Variants in GSE1 observed in about 807,000 individuals in gnomAD.
GSE1 encodes Gse1 coiled-coil protein, also known as genetic suppressor element 1.
Under a neutral mutation model 112.6 loss-of-function variants are expected in GSE1, and 32 were observed. The observed-to-expected ratio is 0.28, with a 90% CI of 0.21 to 0.38. The LOEUF is 0.38. Ranked by LOEUF, GSE1 falls within the 10% of genes least tolerant of loss-of-function variation. The probability of loss-of-function intolerance (pLI) is 1.00; values close to 1 mark genes in which losing one functional copy is unlikely to be tolerated. For synonymous variants in GSE1, 1,115 were observed against 735.6 expected, an observed-to-expected ratio of 1.52 and a Z score of -8.35; for missense variants, 2,348 against 1,699.2, an observed-to-expected ratio of 1.38 and a Z score of -6.71.
rs76432373 is a variant in GSE1 at position 85,671,112 on chromosome 16, G to A, written c.3519+14G>A. The A allele has an allele frequency of 3.1e-3, 4,608 of 1,490,192 alleles. 115 individuals carry two copies. In the South Asian group the frequency reaches 0.038, roughly 12 times the overall value. 92.3% of individuals were successfully genotyped at this position (1,490,192 alleles called of 1,614,324 possible). On this transcript the variant is annotated intron_variant, in intron 15 of 15. Coordinates refer to ENST00000253458, the MANE Select transcript of GSE1 (RefSeq NM_014615.5). The stretch of plus-strand genomic sequence containing the variant: ...CACAGCGTGGCGGTGAGTTGGGAAG[G>A]GATGGAAACCTTCAAACACGCAACC...
At chr16:85,260,835 G>A (rs528629496) in intron 1 of GSE1, among the ~76,000 whole-genome samples, 9 of 152,366 alleles carry the variant, frequency 5.9e-5, no homozygotes, top group Non-Finnish European at 7.3e-5. Flanking sequence ...GCAGTGATGA[G>A]CGCATGGGGC....
intron 2 of GSE1, among the ~76,000 whole-genome samples, chr16:85,450,966 A>G (rs1462260373): frequency 6.6e-6 from 1 of 150,524 alleles, no homozygotes; most frequent in Non-Finnish European, 1.5e-5. Flanking sequence ...CCCAGCTACT[A>G]GGGAGGCCAA....
At position 85,673,116 on chromosome 16, in the gene GSE1, A is replaced by C. The variant is rs1567777970; in HGVS notation, c.*577A>C. ...GTCCTAGGAGCACACAAAGCAACCC[A>C]AAGGCTTTTCCCTGGAAAAGCTCTT... On this transcript the variant is annotated 3_prime_UTR_variant, in exon 16 of 16. Coordinates refer to ENST00000253458, the MANE Select transcript of GSE1 (RefSeq NM_014615.5). 2 of 152,344 alleles carry C rather than the reference A, an allele frequency of 1.3e-5. No individual in the cohort carries two copies. The highest frequency in any genetic ancestry group is 1.3e-4 in the Admixed American group (2 of 15,282). The allele number at this position is 152,344 out of a possible 1,614,324, so 9.4% of individuals were successfully genotyped here.
At chr16:85,328,900 G>A (rs2046281624) in intron 1 of GSE1, among the ~76,000 whole-genome samples, 1 of 152,154 alleles carries the variant, frequency 6.6e-6, no homozygotes, top group African/African-American at 2.4e-5. Flanking sequence ...TGCCACCCCT[G>A]CCCCCGCAGC....
intron 2 of GSE1, among the ~76,000 whole-genome samples, chr16:85,441,705 G>C (rs1201694695): frequency 6.6e-6 from 1 of 152,174 alleles, no homozygotes; most frequent in Non-Finnish European, 1.5e-5. Context: ...GTCTTGAGGG[G>C]TGTGTAGGAG....
chr16:85,607,404 A>G (rs1038833481), upstream of GSE1, among the ~76,000 whole-genome samples: 1 of 152,208 alleles, frequency 6.6e-6, no homozygotes, highest in Non-Finnish European at 1.5e-5. Context: ...CCCATTCACC[A>G]GGGCTCGGCG....
At chr16:85,331,571 A>G (rs1279761072) in intron 1 of GSE1, among the ~76,000 whole-genome samples, 9 of 53,188 alleles carry the variant, frequency 1.7e-4, no homozygotes, top group African/African-American at 8.4e-4. Flanking sequence ...ATGTGTATAT[A>G]TGTGTACATG....
At chr16:85,245,912 CGT>C (rs1343548050) in intron 1 of GSE1, among the ~76,000 whole-genome samples, 2 of 148,598 alleles carry the variant, frequency 1.3e-5, no homozygotes, top group Non-Finnish European at 3.0e-5. Context: ...GAGGTGTCTA[CGT>C]GTGTGTGGGG....
intron 2 of GSE1, among the ~76,000 whole-genome samples, chr16:85,493,102 G>A (rs1483755385): frequency 2.0e-5 from 3 of 152,194 alleles, no homozygotes; most frequent in African/African-American, 4.8e-5. Context: ...TGGAGGAAGG[G>A]AGCTGGTGAG....
At chr16:85,339,646 C>T (rs1352348279) in intron 1 of GSE1, among the ~76,000 whole-genome samples, 18 of 78,654 alleles carry the variant, frequency 2.3e-4, no homozygotes, top group Admixed American at 1.4e-3. Flanking sequence ...AGGCGGCGGG[C>T]GCAGGGTGGG....
Position 85,663,598 on chromosome 16 carries a change from C to T in GSE1, c.2628C>T (p.Ser876=), listed in dbSNP as rs139901871. Residue 876 remains serine (S), a synonymous_variant, in exon 11 of 16, where the codon AGC becomes AGT. Transcript: ENST00000253458. ...FLTIFNLTHI[S]AEKRKDKERL... is the part of the protein sequence containing the mutation. ...CCATCTTCAACCTGACCCACATCAG[C>T]GCTGAGAAGAGGAAAGGTAGGGCCT... 121 of 1,612,786 alleles carry T rather than the reference C, an allele frequency of 7.5e-5. 1 individual carries two copies. The highest frequency in any genetic ancestry group is 7.1e-4 in the African/African-American group (53 of 74,912).
At chr16:85,667,819 T>C (rs926736485) in intron 13 of GSE1, among the ~76,000 whole-genome samples, 2 of 152,222 alleles carry the variant, frequency 1.3e-5, no homozygotes, top group African/African-American at 4.8e-5. Flanking sequence ...GATCACGCCA[T>C]TTCTCTCCAG....
At chr16:85,621,410 C>G (rs191610810) in intron 1 of GSE1, among the ~76,000 whole-genome samples, 2 of 152,208 alleles carry the variant, frequency 1.3e-5, no homozygotes, top group Non-Finnish European at 2.9e-5. Context: ...GCGCTGAGAT[C>G]GTATCTATTT....
At chr16:85,597,492 C>T (rs1009598077) in intron 1 of GSE1, among the ~76,000 whole-genome samples, 5 of 151,408 alleles carry the variant, frequency 3.3e-5, no homozygotes, top group African/African-American at 1.2e-4. Flanking sequence ...TTTTGAGAGA[C>T]AGGATCTCAT....
At chr16:85,435,529 C>T (rs2035485) in intron 2 of GSE1, among the ~76,000 whole-genome samples, 25,790 of 152,064 alleles carry the variant, frequency 0.17, 2,265 homozygotes, top group Middle Eastern at 0.26. Context: ...ACTTCTGGGG[C>T]GGGTCCTGGG....
chr16:85,433,990 G>C (rs986008476), intron 2 of GSE1, among the ~76,000 whole-genome samples: 1 of 152,104 alleles, frequency 6.6e-6, no homozygotes, highest in African/African-American at 2.4e-5. Flanking sequence ...GGACTAACTA[G>C]CTCCAGCCCT....
At chr16:85,239,468 G>T (rs1232515810) in intron 1 of GSE1, among the ~76,000 whole-genome samples, 1 of 152,222 alleles carries the variant, frequency 6.6e-6, no homozygotes, top group Non-Finnish European at 1.5e-5. Context: ...GCTCTGAGAA[G>T]GGACACTGAC....
Position 85,673,278 on chromosome 16 carries a change from G to A in GSE1, c.*739G>A, listed in dbSNP as rs748313041. On this transcript the variant is annotated 3_prime_UTR_variant, in exon 16 of 16. Coordinates refer to ENST00000253458, the MANE Select transcript of GSE1 (RefSeq NM_014615.5). Reference sequence around the variant, plus strand: ...CTACAGTGGGTTGGGTTTTCATACAGACGTAAATTTTGAGAGAAAAGTCAA... The same window carrying A: ...CTACAGTGGGTTGGGTTTTCATACAAACGTAAATTTTGAGAGAAAAGTCAA... 1.3e-5 allele frequency: 2 copies of A among 152,468 alleles called. No individual in the cohort carries two copies. The highest frequency in any genetic ancestry group is 2.9e-5 in the Non-Finnish European group (2 of 68,014). 9.4% of individuals were successfully genotyped at this position (152,468 alleles called of 1,614,324 possible). A position where few individuals can be genotyped will look rare whatever the true frequency, so the allele number is the denominator to read the frequency against.
At chr16:85,446,535 GGTTCT>G (rs1034662401) in intron 2 of GSE1, among the ~76,000 whole-genome samples, 3 of 152,180 alleles carry the variant, frequency 2.0e-5, no homozygotes, top group Non-Finnish European at 2.9e-5. Flanking sequence ...GTTGGCTCTG[GGTTCT>G]GCGATGACCG....
Sources: gnomAD v4.1 joint callset for allele counts (sites outside exome capture counted in the v4.1 genomes callset) on GRCh38, gnomAD v4.1.1 for gene constraint, MANE v1.5 for transcripts, NCBI Gene and HGNC (gene_info 2026-07-23, HGNC 2026-07-21) for gene names.